TRAPPC13: variants seen among roughly 807,000 people sequenced by gnomAD.
TRAPPC13 encodes REV7-interacting novel NHEJ regulator 1.
Under a neutral mutation model 54.0 loss-of-function variants are expected in TRAPPC13, and 39 were observed. The ratio of observed to expected loss-of-function variants is 0.72; its 90% CI spans 0.56 to 0.94. TRAPPC13 has a LOEUF of 0.94. TRAPPC13 is among the 40% of genes least tolerant of loss of function. The probability of loss-of-function intolerance (pLI) is 0.00; values close to 1 mark genes in which losing one functional copy is unlikely to be tolerated. For missense variants in TRAPPC13, 386 were observed against 488.1 expected, an observed-to-expected ratio of 0.79 and a Z score of 1.97; for synonymous variants, 148 against 167.7, an observed-to-expected ratio of 0.88 and a Z score of 0.91.
intron 8 of TRAPPC13, among the ~76,000 whole-genome samples, chr5:65,657,192 G>A (rs1221149401): frequency 1.3e-5 from 2 of 151,838 alleles, no homozygotes; most frequent in Non-Finnish European, 2.9e-5. Flanking sequence ...GACCAGCCTG[G>A]CCAACATGGT....
chr5:65,632,677 A>G (rs1447072867), intron 1 of TRAPPC13, among the ~76,000 whole-genome samples: 2 of 152,198 alleles, frequency 1.3e-5, no homozygotes, highest in Non-Finnish European at 2.9e-5. Context: ...ACCAACTTAG[A>G]GAGTACTCAT....
chr5:65,643,710 G>A lies in TRAPPC13; in HGVS notation c.301-3345G>A, dbSNP rs1202467247. On this transcript the variant is annotated intron_variant, in intron 4 of 12. Coordinates refer to ENST00000399438, the MANE Select transcript of TRAPPC13 (RefSeq NM_024941.4). Reference sequence around the variant, plus strand: ...CGGGCGCCTGTAGTCCCAGCTACTCGGGAGGCTGAGGCAGAAGAATGGCGT... The same window carrying A: ...CGGGCGCCTGTAGTCCCAGCTACTCAGGAGGCTGAGGCAGAAGAATGGCGT... 2.6e-5 allele frequency among the ~76,000 whole-genome samples: 4 copies of A among 151,630 alleles called. No individual in the cohort carries two copies. In the South Asian group the frequency reaches 6.2e-4, roughly 24 times the overall value.
At chr5:65,635,486 T>A in intron 2 of TRAPPC13, 117 bp downstream of exon 2, 1 of 794,928 alleles carries the variant, frequency 1.3e-6, no homozygotes, top group Non-Finnish European at 2.0e-6. Context: ...TGCTGGATTC[T>A]TTGTTGCCTA....
chr5:65,651,382 G>A (rs154852), intron 6 of TRAPPC13, among the ~76,000 whole-genome samples: 91,132 of 152,008 alleles, frequency 0.6, 27,654 homozygotes, highest in South Asian at 0.65. Context: ...CTCTGTCTCC[G>A]AAAAGTAAAT....
intron 1 of TRAPPC13, among the ~76,000 whole-genome samples, chr5:65,627,503 A>T (rs1755299204): frequency 6.6e-6 from 1 of 151,936 alleles, no homozygotes; most frequent in Admixed American, 6.6e-5. Flanking sequence ...GATGGTGTGC[A>T]CCAGTGGTCC....
intron 7 of TRAPPC13, among the ~76,000 whole-genome samples, chr5:65,653,134 C>CCAAAAAAAAAA (rs534056801): frequency 1.1e-4 from 13 of 114,250 alleles, no homozygotes; most frequent in South Asian, 3.3e-4. Flanking sequence ...AGAACTTGCC[C>CCAAAAAAAAAA]AAAAAAAAAA....
At chr5:65,655,601 A>AT in intron 7 of TRAPPC13, 35 bp from the exon 8 acceptor site, 1 of 737,670 alleles carries the variant, frequency 1.4e-6, no homozygotes, top group Non-Finnish European at 1.9e-6. Context: ...TTTAACTCTG[A>AT]TTTTTCTAAT....
intron 10 of TRAPPC13, 45 bp downstream of exon 10, chr5:65,660,942 C>T (rs760816382): frequency 1.3e-6 from 2 of 1,505,692 alleles, no homozygotes; most frequent in Admixed American, 2.1e-5. Flanking sequence ...GTGTGAAAGA[C>T]AGGTAGTTAG....
intron 1 of TRAPPC13, chr5:65,626,031 T>A (rs1399949106): frequency 6.6e-6 from 1 of 152,228 alleles, no homozygotes; most frequent in African/African-American, 2.4e-5. Flanking sequence ...AGCGAGATTG[T>A]CTCTTACTGT....
chr5:65,651,746 G>A (rs1252424154), intron 6 of TRAPPC13, among the ~76,000 whole-genome samples: 1 of 147,408 alleles, frequency 6.8e-6, no homozygotes, highest in Non-Finnish European at 1.5e-5. Flanking sequence ...TTTGTAAGTG[G>A]AAGAAAAAAT....
intron 5 of TRAPPC13, among the ~76,000 whole-genome samples, chr5:65,649,958 G>A (rs1200921702): frequency 2.0e-5 from 3 of 150,134 alleles, no homozygotes; most frequent in South Asian, 2.1e-4. Context: ...CCGGGTTCAC[G>A]CCATTCTCCT....
rs1301641715 is a variant in TRAPPC13, at chr5:65,629,399, T to G, written c.46+4293T>G. On this transcript the variant is annotated intron_variant, in intron 1 of 12. Transcript: ENST00000399438. ...TTGGTTTTTGTTTTTTGTTTTTCCT[T>G]TTCTCCCTGCCTGTTGGTAGGCAGG... The G allele has an allele frequency of 5.3e-5, 65 of 1,221,726 alleles. 1 individual carries two copies. Among genetic ancestry groups the G allele is most frequent in the Non-Finnish European group, 6.6e-5 (63 of 957,688 alleles). 75.7% of individuals were successfully genotyped at this position (1,221,726 alleles called of 1,614,324 possible).
chr5:65,658,226 A>T, intron 8 of TRAPPC13, 142 bp from the exon 9 acceptor site: 1 of 729,384 alleles, frequency 1.4e-6, no homozygotes, highest in Non-Finnish European at 2.1e-6. Context: ...TTCTTGCATT[A>T]ATTGTGGTAA....
intron 4 of TRAPPC13, among the ~76,000 whole-genome samples, chr5:65,645,249 G>A (rs1340893860): frequency 2.0e-5 from 3 of 147,132 alleles, no homozygotes; most frequent in African/African-American, 7.4e-5. Context: ...CTTATGAATT[G>A]TATAACCTTG....
At chr5:65,632,430 G>A (rs1755583995) in intron 1 of TRAPPC13, among the ~76,000 whole-genome samples, 1 of 152,042 alleles carries the variant, frequency 6.6e-6, no homozygotes. Context: ...AATACTCTTT[G>A]GAATACATTC....
intron 1 of TRAPPC13, chr5:65,634,867 C>T: frequency 3.5e-6 from 2 of 567,598 alleles, no homozygotes; most frequent in Non-Finnish European, 4.5e-6. Flanking sequence ...CCACTACACT[C>T]CAGCCTGGGT....
chr5:65,655,884 C>A (rs1040626350), intron 8 of TRAPPC13, among the ~76,000 whole-genome samples: 7 of 151,134 alleles, frequency 4.6e-5, no homozygotes, highest in African/African-American at 1.7e-4. Flanking sequence ...TGAAACAATT[C>A]TCATTTTCAG....
intron 1 of TRAPPC13, among the ~76,000 whole-genome samples, chr5:65,628,461 A>ATTTT (rs753065631): frequency 7.0e-6 from 1 of 143,530 alleles, no homozygotes; most frequent in Admixed American, 7.0e-5. Flanking sequence ...AATCCATATA[A>ATTTT]TTTTTTTTTT....
intron 8 of TRAPPC13, among the ~76,000 whole-genome samples, chr5:65,657,636 A>G (rs1756700831): frequency 6.6e-6 from 1 of 152,192 alleles, no homozygotes; most frequent in Non-Finnish European, 1.5e-5. Flanking sequence ...ATCTAAATTT[A>G]TCTAATTATC....
Sources: gnomAD v4.1 joint callset for allele counts (sites outside exome capture counted in the v4.1 genomes callset) on GRCh38, gnomAD v4.1.1 for gene constraint, MANE v1.5 for transcripts, NCBI Gene and HGNC (gene_info 2026-07-23, HGNC 2026-07-21) for gene names.